Variants in GP6 observed in about 807,000 individuals in gnomAD.
GP6 encodes glycoprotein VI platelet, also known as platelet glycoprotein VI.
In GP6, 45 loss-of-function variants were observed where a neutral mutation model predicts 37.3. The observed-to-expected ratio is 1.21, with a 90% CI of 0.95 to 1.55. The LOEUF is 1.55. Ranked by LOEUF, GP6 falls within the 40% of genes most tolerant of loss-of-function variation. The pLI, the probability that GP6 is intolerant of heterozygous loss-of-function variation, is 0.00. For synonymous variants in GP6, 340 were observed against 316.4 expected (o/e 1.07, Z -0.79); for missense variants, 813 against 760.2 (o/e 1.07, Z -0.82).
In GP6 at chr19:55,014,386, A is replaced by T; in HGVS notation, c.1559T>A (p.Ile520Asn). ...ACGTGCTAGTTTTACACTAAGGAAA[A>T]TGAATGACATACCCAAACTGCCTGC... The change falls in exon 8 of 8, where the codon ATT becomes AAT. Residue 520 changes from isoleucine to asparagine, a missense_variant. Ile to Asn is a moderately radical substitution (Grantham distance 149, BLOSUM62 -3). Transcript: ENST00000310373. 6.2e-7 allele frequency: 1 copy of T among 1,613,848 alleles called. No individual in the cohort carries two copies. Among genetic ancestry groups the T allele is most frequent in the Non-Finnish European group, 8.5e-7 (1 of 1,179,760 alleles).
intron 5 of GP6, among the ~76,000 whole-genome samples, chr19:55,024,306 A>ACGCACGCACACG (rs2074203104): frequency 1.4e-5 from 2 of 142,046 alleles, no homozygotes; most frequent in African/African-American, 5.5e-5. Context: ...GCATGCACAC[A>ACGCACGCACACG]CATATGCACG....
intron 5 of GP6, among the ~76,000 whole-genome samples, chr19:55,024,297 C>CACACACACACGCACGCA (rs2074199512): frequency 1.4e-5 from 1 of 71,166 alleles, no homozygotes; most frequent in South Asian, 4.7e-4. Context: ...CATATGCACG[C>CACACACACACGCACGCA]ATGCACACAC....
intron 5 of GP6, among the ~76,000 whole-genome samples, chr19:55,020,513 T>A (rs2074039972): frequency 1.3e-5 from 2 of 152,152 alleles, no homozygotes; most frequent in African/African-American, 2.4e-5. Flanking sequence ...GGATAATGTT[T>A]TCCAGCTCCA....
intron 4 of GP6, among the ~76,000 whole-genome samples, chr19:55,026,188 A>G (rs2074295994): frequency 6.6e-6 from 1 of 152,210 alleles, no homozygotes; most frequent in Non-Finnish European, 1.5e-5. Context: ...ACCAAAAACT[A>G]AATGATGTAT....
intron 3 of GP6, among the ~76,000 whole-genome samples, chr19:55,029,795 C>A (rs888524454): frequency 6.6e-6 from 1 of 150,564 alleles, no homozygotes; most frequent in African/African-American, 2.4e-5. Flanking sequence ...ATATACTTAG[C>A]GAGAAGAGAG....
chr19:55,014,526 G>A lies in GP6; in HGVS notation c.1419C>T (p.Pro473=), dbSNP rs1671151. 1,297,027 of 1,613,356 alleles carry A rather than the reference G, an allele frequency of 0.8. 525,252 individuals are homozygous for A. The highest frequency in any genetic ancestry group is 0.82 in the Non-Finnish European group (970,680 of 1,179,450). ...AGCACAGAGGGCCAAAGGGAAGCAC[G>A]GGAGGATTTTGCACAGAGGATGGAA... The change falls in exon 8 of 8, where the codon CCC becomes CCT. Residue 473 remains proline (P), a synonymous_variant. Coordinates refer to ENST00000310373, the MANE Select transcript of GP6 (RefSeq NM_001083899.2).
At chr19:55,032,446 C>T (rs1602622316) in intron 2 of GP6, 50 bp from the exon 3 acceptor site, 1 of 1,612,522 alleles carries the variant, frequency 6.2e-7, no homozygotes, top group South Asian at 1.1e-5. Context: ...CCCGCCTGGA[C>T]CCCGCTGCTC....
intron 3 of GP6, among the ~76,000 whole-genome samples, chr19:55,029,676 C>T (rs374656513): frequency 1.3e-5 from 2 of 150,806 alleles, no homozygotes; most frequent in East Asian, 3.9e-4. Context: ...AGGCGTGAGC[C>T]ACCGTGCCCG....
At chr19:55,033,265 CGGTGG>C (rs1193903991) in intron 1 of GP6, among the ~76,000 whole-genome samples, 2,894 of 82,978 alleles carry the variant, frequency 0.035, 604 homozygotes, top group Non-Finnish European at 0.047. Context: ...GTGTTAGACA[CGGTGG>C]ACTCGTTCGT....
intron 5 of GP6, among the ~76,000 whole-genome samples, chr19:55,024,512 C>T (rs1415378287): frequency 1.3e-5 from 2 of 152,134 alleles, no homozygotes; most frequent in African/African-American, 2.4e-5. Flanking sequence ...CACTCTGAGA[C>T]ACAGGGAATG....
chr19:55,016,171 G>A (rs1370562513), intron 6 of GP6, among the ~76,000 whole-genome samples: 1 of 151,532 alleles, frequency 6.6e-6, no homozygotes, highest in Non-Finnish European at 1.5e-5. Flanking sequence ...TGTAGAGTCA[G>A]GCTGTCCTCC....
At chr19:55,037,446 T>C (rs2074874923) in intron 1 of GP6, among the ~76,000 whole-genome samples, 1 of 151,564 alleles carries the variant, frequency 6.6e-6, no homozygotes, top group African/African-American at 2.4e-5. Flanking sequence ...CAAGCGATTC[T>C]CCTGCCTTAG....
At chr19:55,033,896 C>T (rs779692473) in intron 1 of GP6, among the ~76,000 whole-genome samples, 14 of 152,140 alleles carry the variant, frequency 9.2e-5, no homozygotes, top group Non-Finnish European at 1.8e-4. Context: ...AATCAGTATT[C>T]CATGATTACA....
rs550745070 is a variant in GP6 at position 55,026,714 on chromosome 19, C to G, written c.610+864G>C. Among the ~76,000 whole-genome samples, 3 of 152,102 alleles carry G rather than the reference C, an allele frequency of 2.0e-5. No individual in the cohort carries two copies. In the East Asian group the frequency reaches 5.8e-4, roughly 29 times the overall value. On this transcript the variant is annotated intron_variant, in intron 4 of 7. Transcript: ENST00000310373. ...CAGCCTGACCAACATAGTGAAACCCCGTCTCTACTAAAAATACAAAAATTG... is the reference window on the plus strand; with the variant it reads ...CAGCCTGACCAACATAGTGAAACCCGGTCTCTACTAAAAATACAAAAATTG...
At chr19:55,033,381 G>GGCTCGTTCGTGTT in intron 1 of GP6, among the ~76,000 whole-genome samples, 1 of 67,604 alleles carries the variant, frequency 1.5e-5, no homozygotes, top group African/African-American at 5.6e-5. Flanking sequence ...AGACACGGTG[G>GGCTCGTTCGTGTT]ACTCGTTCGT....
Position 55,014,880 on chromosome 19 carries a change from T to A in GP6, c.1065A>T (p.Ser355=), listed in dbSNP as rs773762259. 2 of 1,613,972 alleles carry A rather than the reference T, an allele frequency of 1.2e-6. No individual in the cohort carries two copies. ...AGTCTTTGAGTCGCCTCCCATGCCA[T>A]GATCCCTCCCTTGGATACGACCGTG... The change falls in exon 8 of 8, where the codon TCA becomes TCT. Residue 355 remains serine, a synonymous_variant. Transcript: ENST00000310373.
intron 5 of GP6, among the ~76,000 whole-genome samples, chr19:55,024,342 GCA>G (rs1568613398): frequency 2.2e-4 from 4 of 17,906 alleles, no homozygotes; most frequent in African/African-American, 2.6e-4. Context: ...ACGCACACAC[GCA>G]CATGCACGCA....
intron 5 of GP6, among the ~76,000 whole-genome samples, chr19:55,024,304 A>ACACACACGCACGCACACGCACG (rs1568612810): frequency 1.3e-5 from 1 of 75,738 alleles, no homozygotes; most frequent in African/African-American, 5.1e-5. Context: ...ACGCATGCAC[A>ACACACACGCACGCACACGCACG]CACATATGCA....
intron 6 of GP6, among the ~76,000 whole-genome samples, chr19:55,017,277 C>T (rs921331909): frequency 1.3e-4 from 20 of 152,038 alleles, no homozygotes; most frequent in Middle Eastern, 3.4e-3. Context: ...CCACCACGCC[C>T]GGCTAATTTT....
Sources: gnomAD v4.1 joint callset for allele counts (sites outside exome capture counted in the v4.1 genomes callset) on GRCh38, gnomAD v4.1.1 for gene constraint, MANE v1.5 for transcripts, NCBI Gene and HGNC (gene_info 2026-07-23, HGNC 2026-07-21) for gene names.